The following MALRD1 variants were observed in gnomAD, a reference collection of about 807,000 sequenced individuals.
MALRD1 encodes the protein MAM and LDL-receptor class A domain-containing protein 1.
Under a neutral mutation model 242.1 loss-of-function variants are expected in MALRD1, and 247 were observed. The ratio of observed to expected loss-of-function variants is 1.02; its 90% CI spans 0.92 to 1.13. MALRD1 has a LOEUF of 1.13. Ranked by LOEUF, MALRD1 falls within the 50% of genes most tolerant of loss-of-function variation. The pLI is 0.00. For synonymous variants in MALRD1, 995 were observed against 866.6 expected (o/e 1.15, Z -2.60); for missense variants, 2,989 against 2,533.1 (o/e 1.18, Z -3.86).
At chr10:19,205,582 A>G (rs950695185) in intron 17 of MALRD1, among the ~76,000 whole-genome samples, 6 of 152,042 alleles carry the variant, frequency 3.9e-5, no homozygotes, top group Non-Finnish European at 2.9e-5. Flanking sequence ...CTTTGATAGG[A>G]GCGATGAAGA....
chr10:19,382,138 T>A (rs1310234451), intron 26 of MALRD1, among the ~76,000 whole-genome samples: 1 of 152,200 alleles, frequency 6.6e-6, no homozygotes, highest in Non-Finnish European at 1.5e-5. Context: ...AATTAAGGAT[T>A]GTTTTAATAA....
intron 38 of MALRD1, among the ~76,000 whole-genome samples, chr10:19,715,262 C>T (rs1178567836): frequency 6.6e-6 from 1 of 151,758 alleles, no homozygotes; most frequent in African/African-American, 2.4e-5. Context: ...TGGGTTATAC[C>T]TATCAAGACT....
chr10:19,656,553 C>T (rs1019221135), intron 36 of MALRD1, among the ~76,000 whole-genome samples: 16 of 152,128 alleles, frequency 1.1e-4, no homozygotes, highest in Admixed American at 5.2e-4. Flanking sequence ...GCCCAAGCAA[C>T]CCTGGCAGTA....
Position 19,572,687 on chromosome 10 carries a change from C to T in MALRD1, c.5680+4984C>T, listed in dbSNP as rs536933892. On this transcript the variant is annotated intron_variant, in intron 33 of 39. Coordinates refer to ENST00000454679, the MANE Select transcript of MALRD1 (RefSeq NM_001142308.3). ...TAGATGTAATTAAGATGTAAATTAA[C>T]GGCATTTTGAAGTACGGTGGGCCCT... Among the ~76,000 whole-genome samples, 8 of 152,236 alleles carry T rather than the reference C, an allele frequency of 5.3e-5. No homozygotes were observed. In the South Asian group the frequency reaches 6.2e-4, roughly 12 times the overall value.
intron 14 of MALRD1, 94 bp downstream of exon 14, chr10:19,175,422 A>G: frequency 1.1e-6 from 1 of 883,398 alleles, no homozygotes; most frequent in South Asian, 5.7e-5. Flanking sequence ...ACGAATACCT[A>G]ATACAGGGTG....
intron 18 of MALRD1, among the ~76,000 whole-genome samples, chr10:19,250,669 C>T (rs142252445): frequency 1.3e-5 from 2 of 151,972 alleles, no homozygotes; most frequent in Admixed American, 6.6e-5. Flanking sequence ...CTGAAATGAA[C>T]TTTGTGGTTT....
At chr10:19,638,384 ACACT>A (rs1171842397) in intron 36 of MALRD1, among the ~76,000 whole-genome samples, 3 of 152,262 alleles carry the variant, frequency 2.0e-5, no homozygotes, top group Admixed American at 6.5e-5. Flanking sequence ...AAAGTGACAG[ACACT>A]CTATTAGTCA....
chr10:19,118,872 T>C (rs886162015), intron 5 of MALRD1, among the ~76,000 whole-genome samples: 4 of 152,170 alleles, frequency 2.6e-5, no homozygotes, highest in Admixed American at 6.5e-5. Context: ...AGGAAGGTCA[T>C]AGTAAGGCAT....
chr10:19,631,353 C>A (rs1589332871), intron 36 of MALRD1, among the ~76,000 whole-genome samples: 1 of 152,148 alleles, frequency 6.6e-6, no homozygotes, highest in South Asian at 2.1e-4. Context: ...CATAGTATTT[C>A]ATGATGTATA....
At chr10:19,636,373 T>C (rs1840124935) in intron 36 of MALRD1, among the ~76,000 whole-genome samples, 1 of 152,018 alleles carries the variant, frequency 6.6e-6, no homozygotes, top group Non-Finnish European at 1.5e-5. Context: ...GAGAAGTTTA[T>C]CCCCAAAGAG....
chr10:19,528,954 G>A (rs1834217260), intron 31 of MALRD1, among the ~76,000 whole-genome samples: 1 of 152,152 alleles, frequency 6.6e-6, no homozygotes, highest in Non-Finnish European at 1.5e-5. Flanking sequence ...AAGTACTGGT[G>A]TAGGAATCCT....
intron 28 of MALRD1, among the ~76,000 whole-genome samples, chr10:19,442,121 T>C (rs1419943599): frequency 6.6e-6 from 1 of 152,176 alleles, no homozygotes; most frequent in Non-Finnish European, 1.5e-5. Context: ...CACTCATGAT[T>C]TGGCTCTCTG....
intron 24 of MALRD1, among the ~76,000 whole-genome samples, chr10:19,332,411 T>C (rs1843417405): frequency 6.6e-6 from 1 of 152,056 alleles, no homozygotes; most frequent in Non-Finnish European, 1.5e-5. Context: ...TTAAAGGAGA[T>C]CAACTCATAA....
At chr10:19,255,817 C>A (rs1227158513) in intron 18 of MALRD1, among the ~76,000 whole-genome samples, 1 of 152,034 alleles carries the variant, frequency 6.6e-6, no homozygotes, top group Non-Finnish European at 1.5e-5. Context: ...AAATACTTCT[C>A]ATGCAACATG....
chr10:19,057,242 T>C (rs1041850831), intron 1 of MALRD1, among the ~76,000 whole-genome samples: 4 of 152,208 alleles, frequency 2.6e-5, no homozygotes, highest in African/African-American at 9.6e-5. Context: ...TCAGTACATT[T>C]ACCTTCAAGG....
chr10:19,687,925 T>C (rs1265269501), intron 36 of MALRD1, among the ~76,000 whole-genome samples: 23 of 47,440 alleles, frequency 4.8e-4, no homozygotes, highest in African/African-American at 2.3e-3. Context: ...TATGTTATGT[T>C]ATGTTATGTT....
intron 33 of MALRD1, among the ~76,000 whole-genome samples, chr10:19,583,707 C>T (rs1449069523): frequency 2.8e-4 from 43 of 151,670 alleles, no homozygotes; most frequent in East Asian, 2.5e-3. Flanking sequence ...TGTCTCTGCC[C>T]GGCTTTGGTA....
intron 26 of MALRD1, among the ~76,000 whole-genome samples, chr10:19,379,995 G>C (rs1444800775): frequency 1.5e-5 from 2 of 133,438 alleles, no homozygotes; most frequent in Non-Finnish European, 3.1e-5. Context: ...TTTTTTTTGA[G>C]ACAGAGTGTC....
chr10:19,269,818 T>C (rs1348190469), intron 19 of MALRD1, among the ~76,000 whole-genome samples: 1 of 152,254 alleles, frequency 6.6e-6, no homozygotes, highest in African/African-American at 2.4e-5. Flanking sequence ...CTAAGAATTA[T>C]GAACTCTTAA....
Sources: allele counts gnomAD v4.1 joint callset (sites outside exome capture counted in the v4.1 genomes callset), GRCh38; gene constraint gnomAD v4.1.1; transcripts MANE v1.5; gene names NCBI Gene and HGNC (gene_info 2026-07-23, HGNC 2026-07-21).